Variants in ARHGEF3 observed in about 807,000 individuals in gnomAD.
ARHGEF3 encodes the protein Rho guanine nucleotide exchange factor 3.
In ARHGEF3, 28 loss-of-function variants were observed where a neutral mutation model predicts 63.2. That is an observed-to-expected ratio of 0.44 (90% CI 0.33 to 0.61). The LOEUF is 0.61. Among genes scored for constraint, ARHGEF3 ranks in the 20% least tolerant of loss-of-function variants. The pLI is 0.03. For missense variants in ARHGEF3, 533 were observed against 659.3 expected (o/e 0.81, Z 2.10); for synonymous variants, 266 against 254.2 (o/e 1.05, Z -0.44).
At chr3:57,031,265 A>G (rs1486774705) in intron 2 of ARHGEF3, among the ~76,000 whole-genome samples, 1 of 152,228 alleles carries the variant, frequency 6.6e-6, no homozygotes, top group Non-Finnish European at 1.5e-5. Flanking sequence ...AAAAAGATAA[A>G]TACATCTAAG....
At chr3:56,953,467 T>C (rs976784505) in intron 3 of ARHGEF3, among the ~76,000 whole-genome samples, 2 of 152,192 alleles carry the variant, frequency 1.3e-5, no homozygotes, top group Non-Finnish European at 2.9e-5. Context: ...TTTCTGGCTG[T>C]CCAGGAAACA....
intron 3 of ARHGEF3, among the ~76,000 whole-genome samples, chr3:56,912,366 G>A (rs919953654): frequency 6.6e-6 from 1 of 152,178 alleles, no homozygotes; most frequent in Non-Finnish European, 1.5e-5. Flanking sequence ...GGAAAGCAAA[G>A]TGTTACTGCA....
chr3:56,843,703 T>C (rs1212676312), intron 4 of ARHGEF3, among the ~76,000 whole-genome samples: 1 of 152,218 alleles, frequency 6.6e-6, no homozygotes, highest in African/African-American at 2.4e-5. Flanking sequence ...ATGTTTTTTA[T>C]ATTGTAAAGT....
At chr3:56,974,938 G>T (rs1214404135) in intron 2 of ARHGEF3, among the ~76,000 whole-genome samples, 1 of 151,974 alleles carries the variant, frequency 6.6e-6, no homozygotes, top group Non-Finnish European at 1.5e-5. Flanking sequence ...GCCTTCCCAC[G>T]CACCGACACT....
chr3:57,058,155 C>A (rs1236634275), intron 1 of ARHGEF3, among the ~76,000 whole-genome samples: 1 of 151,888 alleles, frequency 6.6e-6, no homozygotes, highest in Non-Finnish European at 1.5e-5. Flanking sequence ...GAACAAGTTT[C>A]TTTCCATAAA....
At position 57,003,259 on chromosome 3, in the gene ARHGEF3, T is replaced by C. The variant is rs145897488; in HGVS notation, c.62+31829A>G. ...TCTCTACTAAAACACAAAAATTACC[T>C]GGGTGTGGCGGCGCACTCCTGTAGT... On this transcript the variant is annotated intron_variant, in intron 2 of 12. Coordinates refer to the ARHGEF3 transcript ENST00000338458. 9.3e-3 allele frequency among the ~76,000 whole-genome samples: 1,408 copies of C among 151,188 alleles called. 15 individuals carry two copies. Among genetic ancestry groups the C allele is most frequent in the Admixed American group, 0.018 (266 of 15,194 alleles).
chr3:57,027,962 C>A (rs895395106), intron 2 of ARHGEF3, among the ~76,000 whole-genome samples: 1 of 152,122 alleles, frequency 6.6e-6, no homozygotes, highest in Non-Finnish European at 1.5e-5. Flanking sequence ...CACTGGCCAT[C>A]AGAGAAATGC....
At chr3:57,056,127 C>T (rs969658791) in intron 1 of ARHGEF3, among the ~76,000 whole-genome samples, 1 of 151,996 alleles carries the variant, frequency 6.6e-6, no homozygotes, top group African/African-American at 2.4e-5. Flanking sequence ...GTGGCTCACA[C>T]CTGTAATCCT....
chr3:56,795,799 G>A (rs867575372), intron 1 of ARHGEF3, among the ~76,000 whole-genome samples: 1 of 151,728 alleles, frequency 6.6e-6, no homozygotes, highest in Non-Finnish European at 1.5e-5. Flanking sequence ...GTGCCACCAC[G>A]CCTGGCTAAT....
rs139215507 is a variant in ARHGEF3, at chr3:56,857,115, A to C, written c.192+25177T>G. ...AAAAAAGCCCTACATATTTGAAAAA[A>C]TAAAAAGATTAGGATCATTCCCATC... On this transcript the variant is annotated intron_variant, in intron 4 of 12. Transcript: ENST00000338458. Among the ~76,000 whole-genome samples the C allele has an allele frequency of 4.9e-3, 744 of 152,330 alleles. 8 individuals are homozygous for C. The highest frequency in any genetic ancestry group is 0.016 in the African/African-American group (662 of 41,566).
chr3:56,876,290 A>T (rs1295963328), intron 4 of ARHGEF3, among the ~76,000 whole-genome samples: 2 of 152,178 alleles, frequency 1.3e-5, no homozygotes, highest in African/African-American at 2.4e-5. Context: ...ACAAGATAAA[A>T]TTTACACTTG....
At chr3:56,968,180 A>AT (rs1560094025) in intron 2 of ARHGEF3, among the ~76,000 whole-genome samples, 98 of 14,700 alleles carry the variant, frequency 6.7e-3, no homozygotes, top group East Asian at 0.017. Context: ...ATATATATAA[A>AT]AATATATATT....
chr3:56,923,968 G>C (rs1401301390), intron 3 of ARHGEF3, among the ~76,000 whole-genome samples: 1 of 152,212 alleles, frequency 6.6e-6, no homozygotes. Context: ...CTGCCCTGGA[G>C]GCTGTCCCTT....
chr3:56,821,631 C>T (rs988929983), intron 4 of ARHGEF3, among the ~76,000 whole-genome samples: 10 of 152,050 alleles, frequency 6.6e-5, no homozygotes, highest in African/African-American at 2.2e-4. Flanking sequence ...TACAAATATG[C>T]AAATATCTTA....
intron 4 of ARHGEF3, among the ~76,000 whole-genome samples, chr3:56,842,514 T>A (rs2039346911): frequency 6.6e-6 from 1 of 152,178 alleles, no homozygotes; most frequent in Non-Finnish European, 1.5e-5. Flanking sequence ...TATTAAATGA[T>A]CCCTAGCAGA....
At chr3:57,015,431 C>T (rs528787317) in intron 2 of ARHGEF3, among the ~76,000 whole-genome samples, 6 of 151,944 alleles carry the variant, frequency 3.9e-5, no homozygotes, top group Admixed American at 3.3e-4. Flanking sequence ...TTGTAAAATT[C>T]GGAAAGGGAT....
At chr3:56,786,854 T>C (rs2036844508) in intron 1 of ARHGEF3, among the ~76,000 whole-genome samples, 1 of 150,902 alleles carries the variant, frequency 6.6e-6, no homozygotes, top group Admixed American at 6.6e-5. Context: ...GCAACTGACT[T>C]AAAATGAAAG....
intron 3 of ARHGEF3, among the ~76,000 whole-genome samples, chr3:56,930,733 A>G (rs1219871976): frequency 1.3e-5 from 2 of 152,210 alleles, no homozygotes; most frequent in African/African-American, 4.8e-5. Context: ...CCAAAACCCT[A>G]AAATATATTT....
intron 2 of ARHGEF3, among the ~76,000 whole-genome samples, chr3:56,763,287 A>G (rs1347053813): frequency 6.6e-6 from 1 of 152,194 alleles, no homozygotes; most frequent in East Asian, 1.9e-4. Context: ...GTTACCTATC[A>G]TTGTCATACC....
Sources: gnomAD v4.1 joint callset for allele counts (sites outside exome capture counted in the v4.1 genomes callset) on GRCh38, gnomAD v4.1.1 for gene constraint, MANE v1.5 for transcripts, NCBI Gene and HGNC (gene_info 2026-07-23, HGNC 2026-07-21) for gene names.